Variants in RSF1 observed in about 807,000 individuals in gnomAD.
RSF1 encodes the protein HBV pX-associated protein 8.
In RSF1, 13 loss-of-function variants were observed where a neutral mutation model predicts 145.2. The ratio of observed to expected loss-of-function variants is 0.09; its 90% CI spans 0.06 to 0.14. RSF1 has a LOEUF of 0.14. Ranked by LOEUF, RSF1 falls within the 10% of genes least tolerant of loss-of-function variation. The probability of loss-of-function intolerance (pLI) is 1.00; values close to 1 mark genes in which losing one functional copy is unlikely to be tolerated. For missense variants in RSF1, 1,517 were observed against 1,718.2 expected (o/e 0.88, Z 2.07); for synonymous variants, 577 against 592.6 (o/e 0.97, Z 0.38).
chr11:77,870,739 A>G, the RSF1 span, among the ~76,000 whole-genome samples: 1 of 152,206 alleles, frequency 6.6e-6, no homozygotes, highest in Non-Finnish European at 1.5e-5. Context: ...TCCCTTCCCA[A>G]TCTTCACATT....
At chr11:77,828,684 AAAG>A in the RSF1 span, among the ~76,000 whole-genome samples, 1 of 151,940 alleles carries the variant, frequency 6.6e-6, no homozygotes, top group Non-Finnish European at 1.5e-5. Flanking sequence ...AAAAAAAAAA[AAAG>A]AAAGAAAATT....
intron 1 of RSF1, among the ~76,000 whole-genome samples, chr11:77,807,624 TAG>T (rs1341782723): frequency 6.6e-6 from 1 of 152,180 alleles, no homozygotes; most frequent in Non-Finnish European, 1.5e-5. Flanking sequence ...AGCATAAATA[TAG>T]AGTTTAAAAC....
chr11:77,838,817 C>T, the RSF1 span, among the ~76,000 whole-genome samples: 3 of 152,038 alleles, frequency 2.0e-5, no homozygotes, highest in Admixed American at 1.3e-4. Context: ...GGAGTTTCAC[C>T]GTGTTAGCCA....
chr11:77,717,956 A>C (rs1960855107), intron 5 of RSF1: 1 of 152,230 alleles, frequency 6.6e-6, no homozygotes, highest in Non-Finnish European at 1.5e-5. Context: ...GTCCTTACAT[A>C]TGCAAATGCT....
Position 77,808,130 on chromosome 11 carries a change from T to TCAAGA in RSF1, c.187+12393_187+12397dup, listed in dbSNP as rs538700286. On this transcript the variant is annotated intron_variant, in intron 1 of 15. Coordinates refer to ENST00000308488, the MANE Select transcript of RSF1 (RefSeq NM_016578.4). The stretch of plus-strand genomic sequence containing the variant: ...AGGCGAATCACTTGAGGTCAGGAGT[T>TCAAGA]CAAGACCAGCCTGGACAACATGGTG... Among the ~76,000 whole-genome samples, 902 of 152,142 alleles carry TCAAGA rather than the reference T, an allele frequency of 5.9e-3. 6 individuals are homozygous for TCAAGA. Among genetic ancestry groups the TCAAGA allele is most frequent in the Non-Finnish European group, 9.3e-3 (629 of 67,994 alleles).
chr11:77,682,494 A>G (rs948231383), intron 11 of RSF1, among the ~76,000 whole-genome samples: 5 of 152,250 alleles, frequency 3.3e-5, no homozygotes, highest in Non-Finnish European at 5.9e-5. Context: ...ACTGGAAGAT[A>G]GGGTTTTAGA....
the RSF1 span, among the ~76,000 whole-genome samples, chr11:77,844,604 C>T: frequency 6.6e-6 from 1 of 152,106 alleles, no homozygotes; most frequent in Non-Finnish European, 1.5e-5. Context: ...CCAAGAAATC[C>T]TCCCACCTTG....
chr11:77,682,283 T>G (rs537464355), intron 11 of RSF1, among the ~76,000 whole-genome samples: 1 of 152,342 alleles, frequency 6.6e-6, no homozygotes, highest in African/African-American at 2.4e-5. Context: ...GATGCAAGTT[T>G]ATAAATAAGA....
chr11:77,769,271 A>T (rs541284410), intron 1 of RSF1, among the ~76,000 whole-genome samples: 3 of 152,268 alleles, frequency 2.0e-5, no homozygotes, highest in African/African-American at 7.2e-5. Flanking sequence ...CCCAGCCATC[A>T]ATCATATTTT....
In RSF1 at chr11:77,678,209, T is replaced by C. The variant is rs1959763337; in HGVS notation, c.3066-56A>G. The C allele has an allele frequency of 8.2e-6, 7 of 856,120 alleles. No homozygotes were observed. The Admixed American group carries it at 1.8e-4, about 22-fold the overall frequency. The allele number at this position is 856,120 out of a possible 1,614,324, so 53.0% of individuals were successfully genotyped here. ...CTGTCCTGGCTTTTTTTTTTTTTTT[T>C]TTAATTATTTTTATTTATTTATTTT... On this transcript the variant is annotated intron_variant, in intron 11 of 15. Coordinates refer to ENST00000308488, the MANE Select transcript of RSF1 (RefSeq NM_016578.4).
intron 1 of RSF1, among the ~76,000 whole-genome samples, chr11:77,788,375 G>C (rs945618659): frequency 9.3e-5 from 14 of 150,130 alleles, no homozygotes; most frequent in Non-Finnish European, 1.6e-4. Context: ...AGAACCTAGA[G>C]GAAAAACTGA....
intron 9 of RSF1, among the ~76,000 whole-genome samples, chr11:77,686,408 C>CAGAAAAAAAAAAA (rs1960006093): frequency 2.7e-5 from 1 of 37,132 alleles, no homozygotes; most frequent in Non-Finnish European, 4.7e-5. Context: ...GACCCTGTCT[C>CAGAAAAAAAAAAA]AAAAAAAAAA....
chr11:77,746,593 A>C (rs771485196), intron 3 of RSF1, among the ~76,000 whole-genome samples: 2 of 152,188 alleles, frequency 1.3e-5, no homozygotes, highest in African/African-American at 2.4e-5. Flanking sequence ...GGAAAACTCA[A>C]ACTTGTAAAA....
chr11:77,813,694 C>A, intron 1 of RSF1: 1 of 470,588 alleles, frequency 2.1e-6, no homozygotes. Flanking sequence ...GCACGGCTTC[C>A]TGACCGACTT....
intron 5 of RSF1, among the ~76,000 whole-genome samples, chr11:77,723,602 G>A (rs1021919660): frequency 6.6e-6 from 1 of 152,192 alleles, no homozygotes; most frequent in Non-Finnish European, 1.5e-5. Flanking sequence ...AGCAATGAAG[G>A]ACGGTAATCA....
upstream of RSF1, among the ~76,000 whole-genome samples, chr11:77,823,916 T>TA (rs557186061): frequency 4.5e-3 from 597 of 133,680 alleles, 3 homozygotes; most frequent in Middle Eastern, 0.023. Flanking sequence ...AATAACATTC[T>TA]AAAAAAAAAA....
chr11:77,859,831 GCA>G, the RSF1 span, among the ~76,000 whole-genome samples: 1 of 152,174 alleles, frequency 6.6e-6, no homozygotes, highest in Non-Finnish European at 1.5e-5. Context: ...TTGCACAAGT[GCA>G]CAGTCGCAGC....
Position 77,706,798 on chromosome 11 carries a change from T to C in RSF1, c.734-4303A>G, listed in dbSNP as rs186265037. On this transcript the variant is annotated intron_variant, in intron 5 of 15. Coordinates refer to ENST00000308488, the MANE Select transcript of RSF1 (RefSeq NM_016578.4). The stretch of plus-strand genomic sequence containing the variant: ...AATAATAAACATAGTATCTGATATG[T>C]AGTTTTTTGATCCTGACCCTCCTCC... Among the ~76,000 whole-genome samples the C allele has an allele frequency of 2.0e-5, 3 of 152,290 alleles. No individual in the cohort carries two copies. The East Asian group carries it at 5.8e-4, about 29-fold the overall frequency.
intron 1 of RSF1, among the ~76,000 whole-genome samples, chr11:77,793,203 G>A (rs905258813): frequency 6.6e-6 from 1 of 152,192 alleles, no homozygotes; most frequent in Non-Finnish European, 1.5e-5. Context: ...GATCTGGCCA[G>A]GTGCAGTGGC....
Sources: allele counts gnomAD v4.1 joint callset (sites outside exome capture counted in the v4.1 genomes callset), GRCh38; gene constraint gnomAD v4.1.1; transcripts MANE v1.5; gene names NCBI Gene and HGNC (gene_info 2026-07-23, HGNC 2026-07-21).